The following PDE3A variants were observed in gnomAD, a reference collection of about 807,000 sequenced individuals.
PDE3A encodes phosphodiesterase 3A, also known as cGMP-inhibited 3',5'-cyclic phosphodiesterase 3A.
PDE3A carries 43 observed loss-of-function variants against 98.3 expected under a neutral mutation model. The ratio of observed to expected loss-of-function variants is 0.44; its 90% CI spans 0.34 to 0.56. PDE3A has a LOEUF of 0.56. Among genes scored for constraint, PDE3A ranks in the 20% least tolerant of loss-of-function variants. The pLI is 0.01. For synonymous variants in PDE3A, 663 were observed against 567.9 expected (o/e 1.17, Z -2.38); for missense variants, 1,427 against 1,440.7 (o/e 0.99, Z 0.15).
Position 20,639,913 on chromosome 12 carries a change from T to C in PDE3A, c.2207T>C (p.Met736Thr). Residue 736 changes from methionine to threonine, a missense_variant, in exon 10 of 16, where the codon ATG becomes ACG. Physicochemically the swap from Met to Thr is moderately conservative, Grantham distance 81 (BLOSUM62 -1). Around this residue, in one of 3 missense-constraint regions of PDE3A, gnomAD observed 273 missense variants for 420.3 expected, o/e 0.65. Transcript: ENST00000359062. ...TTTAAAATTCCAATTAGGGAATTTATGAATTATTTTCATGCTTTGGAGATT... is the reference window on the plus strand; with the variant it reads ...TTTAAAATTCCAATTAGGGAATTTACGAATTATTTTCATGCTTTGGAGATT... Reference protein sequence around the residue: ...EAFKIPIREFMNYFHALEIGY... With the variant: ...EAFKIPIREFTNYFHALEIGY... The C allele has an allele frequency of 7.6e-6, 12 of 1,572,020 alleles. No homozygotes were observed. Among genetic ancestry groups the C allele is most frequent in the Non-Finnish European group, 1.1e-5 (12 of 1,142,498 alleles).
chr12:20,673,082 A>T (rs1323120135), intron 15 of PDE3A, among the ~76,000 whole-genome samples: 1 of 151,456 alleles, frequency 6.6e-6, no homozygotes, highest in Non-Finnish European at 1.5e-5. Context: ...TTATGCAGCC[A>T]AAAAACACAT....
At chr12:20,622,813 T>C (rs535623323) in intron 5 of PDE3A, among the ~76,000 whole-genome samples, 2 of 152,130 alleles carry the variant, frequency 1.3e-5, no homozygotes, top group South Asian at 4.2e-4. Context: ...TACAAAAATA[T>C]ATATGGATAC....
chr12:20,543,850 CT>C (rs1222691416), intron 1 of PDE3A, among the ~76,000 whole-genome samples: 3 of 151,860 alleles, frequency 2.0e-5, no homozygotes, highest in Non-Finnish European at 2.9e-5. Context: ...GTATATAAGG[CT>C]TTTTAAACCT....
In PDE3A at chr12:20,633,699, C is replaced by T. The variant is rs758522081; in HGVS notation, c.1767C>T (p.Gly589=). 2 of 1,604,460 alleles carry T rather than the reference C, an allele frequency of 1.2e-6. No homozygotes were observed. Among genetic ancestry groups the T allele is most frequent in the East Asian group, 2.2e-5 (1 of 44,642 alleles). The stretch of plus-strand genomic sequence containing the variant: ...CTCTTCCAATATTTTTTAGCTGTGG[C>T]AGACCATATTCCCAAGGGAATCCTG... ...LTPPVICSSC[G]RPYSQGNPAD... Residue 589 remains glycine, a synonymous_variant, in exon 7 of 16, where the codon GGC becomes GGT. Transcript: ENST00000359062.
chr12:20,678,321 T>G (rs1230105868), intron 15 of PDE3A, among the ~76,000 whole-genome samples: 1 of 152,166 alleles, frequency 6.6e-6, no homozygotes, highest in Non-Finnish European at 1.5e-5. Flanking sequence ...GTAATTTCTC[T>G]GTTGAATTCA....
intron 2 of PDE3A, among the ~76,000 whole-genome samples, chr12:20,562,024 A>G (rs1297426782): frequency 6.6e-6 from 1 of 152,186 alleles, no homozygotes; most frequent in Non-Finnish European, 1.5e-5. Flanking sequence ...AATGTAGGAA[A>G]GATGCTAAAT....
At chr12:20,404,826 G>GTTTTTTTT (rs60736941) in intron 1 of PDE3A, among the ~76,000 whole-genome samples, 16 of 95,078 alleles carry the variant, frequency 1.7e-4, no homozygotes, top group East Asian at 3.7e-4. Flanking sequence ...AGGTTACAGA[G>GTTTTTTTT]TTTTTTTTTT....
At chr12:20,390,285 A>AT (rs925458415) in intron 1 of PDE3A, among the ~76,000 whole-genome samples, 3 of 151,836 alleles carry the variant, frequency 2.0e-5, no homozygotes, top group African/African-American at 7.3e-5. Context: ...CAAACATTAT[A>AT]TTTTTTAACC....
At position 20,646,960 on chromosome 12, in the gene PDE3A, T is replaced by C. The variant is rs750793185; in HGVS notation, c.2565+10T>C. Reference sequence around the variant, plus strand: ...AACTAGTGCTCCTCAGGTAAATCTTTAGATTTTGGTTAGGAGAACTAATTT... The same window carrying C: ...AACTAGTGCTCCTCAGGTAAATCTTCAGATTTTGGTTAGGAGAACTAATTT... On this transcript the variant is annotated intron_variant, in intron 12 of 15. Coordinates refer to ENST00000359062, the MANE Select transcript of PDE3A (RefSeq NM_000921.5). The C allele has an allele frequency of 6.3e-7, 1 of 1,590,476 alleles. No homozygotes were observed. The highest frequency in any genetic ancestry group is 1.1e-5 in the South Asian group (1 of 90,168).
At chr12:20,667,674 T>C (rs1945350541) in intron 15 of PDE3A, among the ~76,000 whole-genome samples, 1 of 152,194 alleles carries the variant, frequency 6.6e-6, no homozygotes, top group African/African-American at 2.4e-5. Flanking sequence ...ACTATACCCT[T>C]GAAGCATATT....
At chr12:20,579,067 C>T (rs758804076) in intron 2 of PDE3A, among the ~76,000 whole-genome samples, 1 of 152,012 alleles carries the variant, frequency 6.6e-6, no homozygotes, top group Admixed American at 6.6e-5. Context: ...CTTCTCACTC[C>T]CAATTTAGGT....
At chr12:20,583,323 TAAAG>T (rs1410493108) in intron 2 of PDE3A, among the ~76,000 whole-genome samples, 2 of 152,238 alleles carry the variant, frequency 1.3e-5, no homozygotes, top group Non-Finnish European at 2.9e-5. Context: ...TTTCAGTGAA[TAAAG>T]AGTTTGGAAT....
intron 2 of PDE3A, among the ~76,000 whole-genome samples, chr12:20,589,513 T>C (rs190607481): frequency 2.2e-4 from 34 of 152,200 alleles, no homozygotes; most frequent in Non-Finnish European, 4.6e-4. Flanking sequence ...TGCATTATGC[T>C]GAGATAAAAA....
Position 20,400,405 on chromosome 12 carries a change from T to G in PDE3A, c.960+30161T>G, listed in dbSNP as rs1423716652. The stretch of plus-strand genomic sequence containing the variant: ...TTTTTTTTTTTTTTTTTTTTTTTTT[T>G]TTTTTTTTTTTTTTTTTTTGAGATG... On this transcript the variant is annotated intron_variant, in intron 1 of 15. Transcript: ENST00000359062. Among the ~76,000 whole-genome samples, 748 of 127,402 alleles carry G rather than the reference T, an allele frequency of 5.9e-3. 29 individuals carry two copies. The highest frequency in any genetic ancestry group is 0.021 in the African/African-American group (645 of 30,192). 83.6% of individuals were successfully genotyped at this position (127,402 alleles called of 152,430 possible).
At position 20,369,637 on chromosome 12, in the gene PDE3A, G is replaced by A; in HGVS notation, c.353G>A (p.Gly118Asp). ...GGCGTCTTCCCGGGGCCTCGGGGAG[G>A]TGCTCCCGGGGGCGGTGCGCGGCTC... ...EGGVFPGPRGGAPGGGARLSP... is the reference protein window; with the variant it reads ...EGGVFPGPRGDAPGGGARLSP... Residue 118 changes from glycine to aspartate, a missense_variant, in exon 1 of 16, where the codon GGT becomes GAT. Physicochemically the swap from Gly to Asp is moderately conservative, Grantham distance 94. Coordinates refer to ENST00000359062, the MANE Select transcript of PDE3A (RefSeq NM_000921.5). The A allele has an allele frequency of 6.3e-7, 1 of 1,593,082 alleles. No individual in the cohort carries two copies. The highest frequency in any genetic ancestry group is 8.5e-7 in the Non-Finnish European group (1 of 1,170,682).
At chr12:20,424,711 T>C (rs1162722436) in intron 1 of PDE3A, among the ~76,000 whole-genome samples, 2 of 152,204 alleles carry the variant, frequency 1.3e-5, no homozygotes, top group Non-Finnish European at 2.9e-5. Flanking sequence ...TATGCAAGTT[T>C]ATATCACTCA....
intron 1 of PDE3A, among the ~76,000 whole-genome samples, chr12:20,554,584 C>CT (rs61081178): frequency 0.029 from 4,268 of 146,264 alleles, 174 homozygotes; most frequent in African/African-American, 0.095. Context: ...CTTTTTCTTT[C>CT]TTTTTTTTTT....
At position 20,617,501 on chromosome 12, in the gene PDE3A, C is replaced by T. The variant is rs186755431; in HGVS notation, c.1424+1117C>T. On this transcript the variant is annotated intron_variant, in intron 4 of 15. Coordinates refer to ENST00000359062, the MANE Select transcript of PDE3A (RefSeq NM_000921.5). ...GTAGTGTTTCATGAAAATTTCCTGA[C>T]GGTTGAAATTAATTAGAAGTCAATG... Among the ~76,000 whole-genome samples, 370 of 151,984 alleles carry T rather than the reference C, an allele frequency of 2.4e-3. 7 individuals are homozygous for T. The highest frequency in any genetic ancestry group is 5.9e-4 in the Non-Finnish European group (40 of 67,958).
chr12:20,498,139 T>C (rs1305460129), intron 1 of PDE3A, among the ~76,000 whole-genome samples: 2 of 152,222 alleles, frequency 1.3e-5, no homozygotes, highest in Non-Finnish European at 1.5e-5. Context: ...TTTTCCACTA[T>C]AATCTCTGTT....
Sources: gnomAD v4.1 joint callset for allele counts (sites outside exome capture counted in the v4.1 genomes callset) on GRCh38, gnomAD v4.1.1 for gene constraint, gnomAD v4.1.1 regional missense constraint, MANE v1.5 for transcripts, NCBI Gene and HGNC (gene_info 2026-07-23, HGNC 2026-07-21) for gene names.